SNTG1: variants seen among roughly 807,000 people sequenced by gnomAD.
SNTG1 encodes syntrophin gamma 1, also known as gamma-1-syntrophin.
A neutral mutation model predicts 74.7 loss-of-function variants in SNTG1; 39 were observed. The observed-to-expected ratio is 0.52, with a 90% CI of 0.40 to 0.68. The LOEUF is 0.68. SNTG1 is among the 30% of genes least tolerant of loss of function. The pLI is 0.00. For synonymous variants in SNTG1, 254 were observed against 217.1 expected, an observed-to-expected ratio of 1.17 and a Z score of -1.49; for missense variants, 685 against 609.5, an observed-to-expected ratio of 1.12 and a Z score of -1.30.
At chr8:50,621,089 T>C (rs913332904) in intron 13 of SNTG1, among the ~76,000 whole-genome samples, 5 of 151,510 alleles carry the variant, frequency 3.3e-5, no homozygotes, top group African/African-American at 1.2e-4. Flanking sequence ...TGAGATGTGG[T>C]TAGAGTTTTA....
chr8:50,657,328 T>A (rs899699468), intron 14 of SNTG1, among the ~76,000 whole-genome samples: 1 of 152,070 alleles, frequency 6.6e-6, no homozygotes, highest in Non-Finnish European at 1.5e-5. Flanking sequence ...TTAAGAAACA[T>A]TTTCAAGCAT....
intron 2 of SNTG1, among the ~76,000 whole-genome samples, chr8:50,355,598 G>C (rs2091795693): frequency 6.6e-6 from 1 of 152,090 alleles, no homozygotes; most frequent in South Asian, 2.1e-4. Flanking sequence ...TTGAATGATT[G>C]GTTGAAAATG....
chr8:50,674,794 G>A (rs1031265084), intron 15 of SNTG1, among the ~76,000 whole-genome samples: 6 of 151,470 alleles, frequency 4.0e-5, no homozygotes, highest in African/African-American at 1.2e-4. Context: ...TTTCTGATGT[G>A]GGCATTTAGT....
intron 1 of SNTG1, among the ~76,000 whole-genome samples, chr8:50,147,004 A>G (rs1319224057): frequency 6.6e-6 from 1 of 152,064 alleles, no homozygotes; most frequent in African/African-American, 2.4e-5. Flanking sequence ...ACAGAGCAAA[A>G]GTTTACATTT....
At position 50,491,689 on chromosome 8, in the gene SNTG1, CA is replaced by C. The variant is rs1161769170; in HGVS notation, c.364-11088del. Among the ~76,000 whole-genome samples the C allele has an allele frequency of 2.0e-5, 3 of 150,860 alleles. No individual in the cohort carries two copies. The East Asian group carries it at 5.9e-4, about 29-fold the overall frequency. On this transcript the variant is annotated intron_variant, in intron 8 of 18. Transcript: ENST00000642720. ...ATGCTGCAAATGCTGTGCTGTGATC[CA>C]GAACTTATTTATTTATTTATTTATT... is the stretch of plus-strand genomic sequence containing the variant.
chr8:50,717,024 C>T (rs1327614444), intron 17 of SNTG1, among the ~76,000 whole-genome samples: 8 of 152,134 alleles, frequency 5.3e-5, no homozygotes, highest in African/African-American at 1.9e-4. Flanking sequence ...GCGTGAGCCA[C>T]CGCGCCCAGC....
At chr8:50,447,577 C>T (rs1421410257) in intron 5 of SNTG1, among the ~76,000 whole-genome samples, 4 of 151,692 alleles carry the variant, frequency 2.6e-5, no homozygotes, top group South Asian at 2.1e-4. Flanking sequence ...CTGGAAAAGC[C>T]GTAGACTTCA....
chr8:50,545,784 A>G (rs2623207), intron 11 of SNTG1, among the ~76,000 whole-genome samples: 21,218 of 152,066 alleles, frequency 0.14, 1,613 homozygotes, highest in African/African-American at 0.19. Context: ...TGAGATGAAG[A>G]CGTTTCAGAT....
chr8:50,176,119 A>C (rs1161950153), intron 2 of SNTG1, among the ~76,000 whole-genome samples: 1 of 152,038 alleles, frequency 6.6e-6, no homozygotes, highest in Non-Finnish European at 1.5e-5. Flanking sequence ...TTTAATACAT[A>C]GTTTTTTTTT....
intron 1 of SNTG1, among the ~76,000 whole-genome samples, chr8:50,023,903 C>T (rs1481145288): frequency 6.6e-6 from 1 of 152,152 alleles, no homozygotes; most frequent in Non-Finnish European, 1.5e-5. Flanking sequence ...TGACCATCAA[C>T]CATGAGCATT....
At chr8:50,429,860 G>A (rs111707084) in intron 4 of SNTG1, among the ~76,000 whole-genome samples, 1 of 151,986 alleles carries the variant, frequency 6.6e-6, no homozygotes, top group Non-Finnish European at 1.5e-5. Context: ...TAAATGGTAA[G>A]CAAATGAACA....
chr8:50,628,969 C>G (rs577017623), intron 13 of SNTG1, among the ~76,000 whole-genome samples: 1 of 152,124 alleles, frequency 6.6e-6, no homozygotes, highest in East Asian at 1.9e-4. Context: ...ATTTTTTTCC[C>G]CACAGAAAGA....
chr8:50,560,676 C>T (rs1002756504), intron 12 of SNTG1, among the ~76,000 whole-genome samples: 1 of 152,070 alleles, frequency 6.6e-6, no homozygotes, highest in African/African-American at 2.4e-5. Flanking sequence ...GACAAGAACA[C>T]GTGGACACAT....
chr8:49,915,850 T>C (rs931313007), intron 1 of SNTG1, among the ~76,000 whole-genome samples: 3 of 152,216 alleles, frequency 2.0e-5, no homozygotes, highest in African/African-American at 7.2e-5. Flanking sequence ...TGTTAAGATG[T>C]TGTTTTGATT....
At chr8:50,664,321 A>G (rs747044836) in intron 15 of SNTG1, among the ~76,000 whole-genome samples, 2 of 152,178 alleles carry the variant, frequency 1.3e-5, no homozygotes, top group Non-Finnish European at 1.5e-5. Flanking sequence ...TTTAATAATT[A>G]AGAAAATGCA....
chr8:50,302,437 C>T (rs573308089), intron 2 of SNTG1, among the ~76,000 whole-genome samples: 3 of 152,136 alleles, frequency 2.0e-5, no homozygotes, highest in African/African-American at 7.2e-5. Context: ...TCATACTTCA[C>T]TCAGAATCAA....
chr8:50,083,701 C>G (rs1822616011), intron 1 of SNTG1, among the ~76,000 whole-genome samples: 1 of 152,046 alleles, frequency 6.6e-6, no homozygotes. Context: ...GTTAATATCC[C>G]TTGTGGTGGT....
intron 8 of SNTG1, among the ~76,000 whole-genome samples, chr8:50,470,557 G>A (rs1341981788): frequency 1.3e-5 from 2 of 152,092 alleles, no homozygotes; most frequent in Non-Finnish European, 2.9e-5. Context: ...GTCCAGAGTT[G>A]TTTGTTCCTC....
intron 2 of SNTG1, among the ~76,000 whole-genome samples, chr8:50,182,195 G>C (rs1485124926): frequency 6.6e-6 from 1 of 152,126 alleles, no homozygotes; most frequent in Non-Finnish European, 1.5e-5. Context: ...AAGAGGCAAA[G>C]AATAACACAT....
Sources: gnomAD v4.1 joint callset for allele counts (sites outside exome capture counted in the v4.1 genomes callset) on GRCh38, gnomAD v4.1.1 for gene constraint, MANE v1.5 for transcripts, NCBI Gene and HGNC (gene_info 2026-07-23, HGNC 2026-07-21) for gene names.